SORCS3: variants seen among roughly 807,000 people sequenced by gnomAD.
The protein encoded by SORCS3 is VPS10 domain-containing receptor SorCS3.
In SORCS3, 57 loss-of-function variants were observed where a neutral mutation model predicts 146.3. That is an observed-to-expected ratio of 0.39 (90% CI 0.31 to 0.49). SORCS3 has a LOEUF of 0.49. SORCS3 is among the 20% of genes least tolerant of loss of function. The probability of loss-of-function intolerance (pLI) is 0.92; values close to 1 mark genes in which losing one functional copy is unlikely to be tolerated. For synonymous variants in SORCS3, 653 were observed against 618.5 expected (o/e 1.06, Z -0.83); for missense variants, 1,341 against 1,575.5 (o/e 0.85, Z 2.52).
At chr10:105,112,494 G>A (rs2055865061) in intron 7 of SORCS3, among the ~76,000 whole-genome samples, 1 of 152,134 alleles carries the variant, frequency 6.6e-6, no homozygotes, top group South Asian at 2.1e-4. Flanking sequence ...AAAACCCACA[G>A]ACCAACAGAG....
intron 1 of SORCS3, among the ~76,000 whole-genome samples, chr10:104,703,248 A>T (rs1368520910): frequency 6.6e-6 from 1 of 152,136 alleles, no homozygotes; most frequent in African/African-American, 2.4e-5. Flanking sequence ...AAGTGGCCTG[A>T]TAGGTCAAAT....
At chr10:105,012,280 A>G (rs563470020) in intron 4 of SORCS3, among the ~76,000 whole-genome samples, 9 of 152,270 alleles carry the variant, frequency 5.9e-5, no homozygotes, top group African/African-American at 1.9e-4. Context: ...TCTGGCTACT[A>G]TTCTTAGAAA....
At position 104,741,084 on chromosome 10, in the gene SORCS3, C is replaced by A. The variant is rs1215083662; in HGVS notation, c.627+99130C>A. Among the ~76,000 whole-genome samples the A allele has an allele frequency of 2.0e-5, 3 of 151,832 alleles. No individual in the cohort carries two copies. The East Asian group carries it at 5.8e-4, about 29-fold the overall frequency. ...TCAAGGGATTCTCCCACATCAGCCT[C>A]CCAAGTAGCTGATACTACAGGTGCA... On this transcript the variant is annotated intron_variant, in intron 1 of 26. Coordinates refer to ENST00000369701, the MANE Select transcript of SORCS3 (RefSeq NM_014978.3).
chr10:105,164,979 T>TTCTG (rs1251044498), intron 12 of SORCS3, among the ~76,000 whole-genome samples: 1 of 152,220 alleles, frequency 6.6e-6, no homozygotes, highest in Non-Finnish European at 1.5e-5. Context: ...GATGGAAAAG[T>TTCTG]TCTGTATCTG....
intron 2 of SORCS3, among the ~76,000 whole-genome samples, chr10:104,858,842 T>C (rs887875984): frequency 2.4e-4 from 36 of 151,260 alleles, no homozygotes; most frequent in African/African-American, 4.1e-4. Flanking sequence ...AGGATGGTCT[T>C]GATCTCCTGA....
chr10:104,960,653 T>G (rs2133634596), intron 3 of SORCS3, among the ~76,000 whole-genome samples: 1 of 152,292 alleles, frequency 6.6e-6, no homozygotes, highest in East Asian at 1.9e-4. Context: ...CAGAAAACCT[T>G]TATGATCCAA....
intron 20 of SORCS3, 62 bp from the exon 21 acceptor site, chr10:105,245,480 G>A: frequency 1.3e-6 from 2 of 1,580,098 alleles, no homozygotes; most frequent in East Asian, 2.3e-5. Flanking sequence ...AGAGTTTCAG[G>A]AAAGGAAATA....
intron 20 of SORCS3, among the ~76,000 whole-genome samples, chr10:105,231,300 A>G (rs1203667825): frequency 3.3e-5 from 5 of 152,168 alleles, no homozygotes; most frequent in Middle Eastern, 3.2e-3. Context: ...CGTGTTTTTA[A>G]TTCAAATCAC....
intron 4 of SORCS3, among the ~76,000 whole-genome samples, chr10:104,987,654 A>G (rs2054970034): frequency 6.6e-6 from 1 of 152,082 alleles, no homozygotes; most frequent in African/African-American, 2.4e-5. Flanking sequence ...TTTTCTCCTA[A>G]CAAAAAGTGT....
chr10:105,164,526 G>A (rs952455557), intron 12 of SORCS3, 147 bp downstream of exon 12: 28 of 672,280 alleles, frequency 4.2e-5, no homozygotes, highest in South Asian at 3.8e-4. Context: ...AATTTGGCTG[G>A]CAGGTTAGAG....
At chr10:105,030,467 G>A (rs1414631354) in intron 4 of SORCS3, among the ~76,000 whole-genome samples, 1 of 152,138 alleles carries the variant, frequency 6.6e-6, no homozygotes, top group Non-Finnish European at 1.5e-5. Flanking sequence ...AAGTGTCCAA[G>A]GCTCCTGCAC....
At chr10:105,021,236 G>A (rs2055195933) in intron 4 of SORCS3, among the ~76,000 whole-genome samples, 1 of 152,156 alleles carries the variant, frequency 6.6e-6, no homozygotes, top group African/African-American at 2.4e-5. Flanking sequence ...CATTGGGAGA[G>A]GGTCTTCTTG....
intron 4 of SORCS3, among the ~76,000 whole-genome samples, chr10:104,986,923 A>T (rs1405143563): frequency 6.6e-6 from 1 of 152,196 alleles, no homozygotes; most frequent in Non-Finnish European, 1.5e-5. Flanking sequence ...GAGAATTCCA[A>T]AAATATGGTG....
chr10:104,938,132 T>C (rs1389059339), intron 3 of SORCS3, among the ~76,000 whole-genome samples: 1 of 152,186 alleles, frequency 6.6e-6, no homozygotes, highest in Non-Finnish European at 1.5e-5. Flanking sequence ...CGTTAGTGCC[T>C]TAAATTTTTG....
At chr10:104,697,492 C>T (rs1337060901) in intron 1 of SORCS3, among the ~76,000 whole-genome samples, 1 of 152,146 alleles carries the variant, frequency 6.6e-6, no homozygotes, top group African/African-American at 2.4e-5. Flanking sequence ...CGAGAAATTG[C>T]TTAGGTCTGA....
intron 4 of SORCS3, among the ~76,000 whole-genome samples, chr10:104,979,646 G>A (rs770260954): frequency 3.3e-5 from 5 of 151,900 alleles, no homozygotes; most frequent in Non-Finnish European, 5.9e-5. Context: ...TCTATGTCTC[G>A]TTAACCAAGC....
intron 2 of SORCS3, among the ~76,000 whole-genome samples, chr10:104,844,920 C>T (rs993420636): frequency 2.0e-5 from 3 of 152,154 alleles, no homozygotes; most frequent in Non-Finnish European, 4.4e-5. Context: ...AGGATGGGGA[C>T]ATATCTTTTA....
chr10:104,720,263 G>C (rs576353053), intron 1 of SORCS3, among the ~76,000 whole-genome samples: 6 of 152,150 alleles, frequency 3.9e-5, no homozygotes, highest in Non-Finnish European at 8.8e-5. Flanking sequence ...TGCTGAGAAT[G>C]ATGATTTCCA....
chr10:105,029,905 C>T (rs1354539364), intron 4 of SORCS3, among the ~76,000 whole-genome samples: 7 of 152,254 alleles, frequency 4.6e-5, no homozygotes, highest in East Asian at 1.9e-4. Flanking sequence ...CTTGTTAAAA[C>T]GCAGACATCT....
Sources: allele counts gnomAD v4.1 joint callset (sites outside exome capture counted in the v4.1 genomes callset), GRCh38; gene constraint gnomAD v4.1.1; transcripts MANE v1.5; gene names NCBI Gene and HGNC (gene_info 2026-07-23, HGNC 2026-07-21).